The following BCKDHB variants were observed in gnomAD, a reference collection of about 807,000 sequenced individuals.
BCKDHB encodes the protein 2-oxoisovalerate dehydrogenase subunit beta, mitochondrial.
BCKDHB carries 41 observed loss-of-function variants against 48.5 expected under a neutral mutation model. The ratio of observed to expected loss-of-function variants is 0.85; its 90% CI spans 0.66 to 1.10. The LOEUF (loss-of-function observed/expected upper bound fraction) is 1.10. Ranked by LOEUF, BCKDHB falls within the 50% of genes least tolerant of loss-of-function variation. The probability of loss-of-function intolerance (pLI) is 0.00; values close to 1 mark genes in which losing one functional copy is unlikely to be tolerated. For missense variants in BCKDHB, 496 were observed against 494.2 expected (o/e 1.00, Z -0.03); for synonymous variants, 201 against 174.8 (o/e 1.15, Z -1.18).
intron 8 of BCKDHB, among the ~76,000 whole-genome samples, chr6:80,231,557 AGGAAAAGAT>A (rs1775925821): frequency 2.0e-5 from 3 of 152,240 alleles, no homozygotes; most frequent in South Asian, 4.1e-4. Context: ...CAATGACTGT[AGGAAAAGAT>A]GCTCAGTATC....
At chr6:80,383,578 T>C in the BCKDHB span, among the ~76,000 whole-genome samples, 1 of 152,134 alleles carries the variant, frequency 6.6e-6, no homozygotes, top group South Asian at 2.1e-4. Context: ...CATTTAAATA[T>C]TCAATTTATT....
intron 8 of BCKDHB, among the ~76,000 whole-genome samples, chr6:80,226,450 C>A (rs1293104471): frequency 6.6e-6 from 1 of 152,130 alleles, no homozygotes; most frequent in African/African-American, 2.4e-5. Context: ...AGCCTCTAGC[C>A]ATCTTATCAA....
At chr6:80,409,050 C>T in the BCKDHB span, among the ~76,000 whole-genome samples, 1 of 152,208 alleles carries the variant, frequency 6.6e-6, no homozygotes, top group African/African-American at 2.4e-5. Flanking sequence ...TTAAATGTGT[C>T]CCAGAGGTCC....
At chr6:80,326,262 A>G (rs1314323591) in intron 9 of BCKDHB, among the ~76,000 whole-genome samples, 2 of 152,194 alleles carry the variant, frequency 1.3e-5, no homozygotes, top group African/African-American at 4.8e-5. Flanking sequence ...TAAGCTTACT[A>G]TAGCAGAGCC....
the BCKDHB span, among the ~76,000 whole-genome samples, chr6:80,369,974 A>G: frequency 8.5e-5 from 13 of 152,284 alleles, no homozygotes; most frequent in South Asian, 6.2e-4. Flanking sequence ...CTCTCTTACT[A>G]TTGTTTTAAA....
intron 3 of BCKDHB, among the ~76,000 whole-genome samples, chr6:80,162,687 C>T (rs572307093): frequency 3.3e-5 from 5 of 151,976 alleles, no homozygotes; most frequent in African/African-American, 4.8e-5. Context: ...CCCATCTCTA[C>T]GAAAAATACA....
chr6:80,352,269 C>T, the BCKDHB span, among the ~76,000 whole-genome samples: 3 of 152,046 alleles, frequency 2.0e-5, no homozygotes, highest in Admixed American at 2.0e-4. Context: ...TGAGCCACCA[C>T]ACTCAGCTGA....
At chr6:80,320,286 A>G (rs905910638) in intron 9 of BCKDHB, among the ~76,000 whole-genome samples, 2 of 152,186 alleles carry the variant, frequency 1.3e-5, no homozygotes, top group South Asian at 2.1e-4. Context: ...ACAGGTTTTG[A>G]TAATTTCTTA....
At chr6:80,185,514 A>G (rs761825959) in intron 6 of BCKDHB, among the ~76,000 whole-genome samples, 2 of 152,072 alleles carry the variant, frequency 1.3e-5, no homozygotes, top group Non-Finnish European at 2.9e-5. Flanking sequence ...CCATATTACC[A>G]TAATTGCTTT....
intron 8 of BCKDHB, among the ~76,000 whole-genome samples, chr6:80,239,900 A>G (rs982229145): frequency 2.6e-5 from 4 of 152,158 alleles, no homozygotes; most frequent in African/African-American, 4.8e-5. Context: ...TTTGTCAAAG[A>G]TCAGATGGTT....
intron 9 of BCKDHB, among the ~76,000 whole-genome samples, chr6:80,294,998 C>A (rs1004641008): frequency 1.3e-5 from 2 of 152,168 alleles, no homozygotes; most frequent in Non-Finnish European, 2.9e-5. Context: ...ACCCCCTCCC[C>A]TTTTGAAACC....
At chr6:80,134,677 A>G (rs1770795924) in intron 3 of BCKDHB, among the ~76,000 whole-genome samples, 1 of 152,074 alleles carries the variant, frequency 6.6e-6, no homozygotes, top group Non-Finnish European at 1.5e-5. Context: ...TTTTGGAACC[A>G]TGGGGTACCT....
At chr6:80,279,464 C>T (rs745623548) in intron 9 of BCKDHB, among the ~76,000 whole-genome samples, 1 of 152,062 alleles carries the variant, frequency 6.6e-6, no homozygotes, top group African/African-American at 2.4e-5. Context: ...CCTAAACTGT[C>T]TCCTTATCTT....
the BCKDHB span, among the ~76,000 whole-genome samples, chr6:80,451,722 C>G: frequency 6.8e-6 from 1 of 147,746 alleles, no homozygotes; most frequent in African/African-American, 2.5e-5. Flanking sequence ...GAGTGAGACT[C>G]TGTCTCAAAA....
chr6:80,456,298 C>T, the BCKDHB span, among the ~76,000 whole-genome samples: 1 of 151,262 alleles, frequency 6.6e-6, no homozygotes. Context: ...AAGTAGATAT[C>T]GGATGTCCAT....
At position 80,344,107 on chromosome 6, in the gene BCKDHB, C is replaced by A. The variant is rs912517195; in HGVS notation, c.*303C>A. On this transcript the variant is annotated 3_prime_UTR_variant, in exon 10 of 10. Coordinates refer to ENST00000320393, the MANE Select transcript of BCKDHB (RefSeq NM_183050.4). ...CCTCCCCCCTACCCCTGAGTTCAAG[C>A]GATTCTCCTGCCTCAGCCTGCTGAG... 1.8e-5 allele frequency: 7 copies of A among 386,090 alleles called. No homozygotes were observed. The highest frequency in any genetic ancestry group is 3.4e-5 in the Non-Finnish European group (7 of 203,694). The allele number at this position is 386,090 out of a possible 1,614,324, so 23.9% of individuals were successfully genotyped here.
the BCKDHB span, among the ~76,000 whole-genome samples, chr6:80,420,905 A>T: frequency 1.3e-5 from 2 of 152,234 alleles, no homozygotes; most frequent in Non-Finnish European, 2.9e-5. Context: ...CTTAGAATAA[A>T]GCTAGGCTTC....
the BCKDHB span, among the ~76,000 whole-genome samples, chr6:80,417,248 A>G: frequency 6.2e-4 from 94 of 152,106 alleles, no homozygotes; most frequent in African/African-American, 2.3e-3. Flanking sequence ...GTCACTGCAT[A>G]TGAGATGGGT....
chr6:80,129,216 G>A lies in BCKDHB; in HGVS notation c.330G>A (p.Leu110=). Residue 110 remains leucine (L), a synonymous_variant, in exon 3 of 10, where the codon TTG becomes TTA. Transcript: ENST00000320393. ...GAGTCTTTAGATGCACTGTTGGCTT[G>A]CGAGACAAATATGGTAAGTAAATAC... ...FGGVFRCTVG[L]RDKYGKDRVF... 6.2e-7 allele frequency: 1 copy of A among 1,610,772 alleles called. No homozygotes were observed. Among genetic ancestry groups the A allele is most frequent in the South Asian group, 1.1e-5 (1 of 90,742 alleles).
Sources: gnomAD v4.1 joint callset for allele counts (sites outside exome capture counted in the v4.1 genomes callset) on GRCh38, gnomAD v4.1.1 for gene constraint, MANE v1.5 for transcripts, NCBI Gene and HGNC (gene_info 2026-07-23, HGNC 2026-07-21) for gene names.